GALNTL6: variants seen among roughly 807,000 people sequenced by gnomAD.
The protein encoded by GALNTL6 is polypeptide N-acetylgalactosaminyltransferase-like 6.
Under a neutral mutation model 73.7 loss-of-function variants are expected in GALNTL6, and 46 were observed. The observed-to-expected ratio is 0.62, with a 90% CI of 0.49 to 0.80. The LOEUF (loss-of-function observed/expected upper bound fraction) is 0.80. GALNTL6 is among the 30% of genes least tolerant of loss of function. The pLI is 0.00. For missense variants in GALNTL6, 604 were observed against 755.0 expected, an observed-to-expected ratio of 0.80 and a Z score of 2.34; for synonymous variants, 259 against 263.7, an observed-to-expected ratio of 0.98 and a Z score of 0.17.
At chr4:172,714,354 G>T (rs1262409267) in intron 5 of GALNTL6, among the ~76,000 whole-genome samples, 1 of 151,712 alleles carries the variant, frequency 6.6e-6, no homozygotes, top group Non-Finnish European at 1.5e-5. Flanking sequence ...TGCTAATTTA[G>T]GTTCTGGTTC....
intron 2 of GALNTL6, among the ~76,000 whole-genome samples, chr4:172,129,856 C>G (rs1733407196): frequency 6.6e-6 from 1 of 152,196 alleles, no homozygotes; most frequent in African/African-American, 2.4e-5. Context: ...TGATACCACA[C>G]TCCATTCCAG....
At chr4:172,060,503 C>T (rs1270281807) in intron 2 of GALNTL6, among the ~76,000 whole-genome samples, 1 of 151,662 alleles carries the variant, frequency 6.6e-6, no homozygotes, top group South Asian at 2.1e-4. Flanking sequence ...GATGATTTAT[C>T]GTAGTCAATG....
intron 2 of GALNTL6, among the ~76,000 whole-genome samples, chr4:172,185,920 G>A (rs548211528): frequency 3.3e-5 from 5 of 152,142 alleles, no homozygotes; most frequent in African/African-American, 7.2e-5. Context: ...CAAAATAGGC[G>A]CAACAAAAAT....
intron 2 of GALNTL6, among the ~76,000 whole-genome samples, chr4:171,972,528 T>TG (rs1739601877): frequency 6.6e-6 from 1 of 152,100 alleles, no homozygotes; most frequent in Non-Finnish European, 1.5e-5. Flanking sequence ...ACATAGCAAA[T>TG]TCCATGATAA....
chr4:173,003,256 G>T (rs1252351991), intron 10 of GALNTL6, among the ~76,000 whole-genome samples: 2 of 152,162 alleles, frequency 1.3e-5, no homozygotes, highest in African/African-American at 4.8e-5. Context: ...AGCAGAAATT[G>T]TTCATTCATT....
At chr4:172,752,559 G>C (rs1737487873) in intron 5 of GALNTL6, among the ~76,000 whole-genome samples, 1 of 151,826 alleles carries the variant, frequency 6.6e-6, no homozygotes, top group African/African-American at 2.4e-5. Context: ...TTAATTTGTG[G>C]TATAAAGGTT....
At chr4:172,610,131 CA>C (rs749686161) in intron 5 of GALNTL6, among the ~76,000 whole-genome samples, 12 of 151,630 alleles carry the variant, frequency 7.9e-5, no homozygotes, top group Non-Finnish European at 1.3e-4. Flanking sequence ...TTAATTTTTT[CA>C]AAAAACCAAC....
intron 2 of GALNTL6, among the ~76,000 whole-genome samples, chr4:171,894,545 A>G (rs1578948343): frequency 2.0e-5 from 3 of 152,306 alleles, no homozygotes; most frequent in South Asian, 2.1e-4. Flanking sequence ...ATTTTCTTTA[A>G]TGTTTGAAAT....
chr4:172,474,257 A>T (rs1167045026), intron 5 of GALNTL6, among the ~76,000 whole-genome samples: 1 of 152,114 alleles, frequency 6.6e-6, no homozygotes, highest in Non-Finnish European at 1.5e-5. Flanking sequence ...TTCTCTGGAC[A>T]TCCTACTGAA....
chr4:173,038,763 A>G (rs1753793343), intron 12 of GALNTL6, among the ~76,000 whole-genome samples: 1 of 152,196 alleles, frequency 6.6e-6, no homozygotes, highest in Non-Finnish European at 1.5e-5. Context: ...AAAGGACATT[A>G]AATATTGGTT....
chr4:172,359,721 C>T (rs1011275305), intron 5 of GALNTL6, among the ~76,000 whole-genome samples: 14 of 152,112 alleles, frequency 9.2e-5, no homozygotes, highest in African/African-American at 3.4e-4. Flanking sequence ...ATATAAGGCA[C>T]ATAGCTTTCT....
At chr4:172,767,668 T>TC (rs1491144362) in intron 5 of GALNTL6, among the ~76,000 whole-genome samples, 5 of 62,446 alleles carry the variant, frequency 8.0e-5, no homozygotes, top group African/African-American at 1.7e-4. Flanking sequence ...ATTTTTTTTC[T>TC]TTTTTTTTTT....
At chr4:172,201,507 G>GT (rs61645969) in intron 2 of GALNTL6, among the ~76,000 whole-genome samples, 3,722 of 144,228 alleles carry the variant, frequency 0.026, 44 homozygotes, top group Non-Finnish European at 0.034. Flanking sequence ...ACCGGGACTA[G>GT]TTTTTTTTTT....
chr4:171,872,319 G>T (rs1421938889), intron 2 of GALNTL6, among the ~76,000 whole-genome samples: 1 of 151,940 alleles, frequency 6.6e-6, no homozygotes, highest in Non-Finnish European at 1.5e-5. Flanking sequence ...ATATTAAATT[G>T]ATTTTATATA....
intron 8 of GALNTL6, among the ~76,000 whole-genome samples, chr4:172,899,670 C>T (rs778413753): frequency 3.9e-5 from 6 of 151,982 alleles, no homozygotes; most frequent in Admixed American, 6.6e-5. Flanking sequence ...AAGGCAAACC[C>T]GTAGAGTACA....
Position 171,970,567 on chromosome 4 carries a change from G to C in GALNTL6, c.138+155849G>C, listed in dbSNP as rs562699525. Among the ~76,000 whole-genome samples the C allele has an allele frequency of 2.0e-5, 3 of 152,190 alleles. No individual in the cohort carries two copies. In the South Asian group the frequency reaches 6.2e-4, roughly 32 times the overall value. On this transcript the variant is annotated intron_variant, in intron 2 of 12. Coordinates refer to ENST00000506823, the MANE Select transcript of GALNTL6 (RefSeq NM_001034845.3). ...CTTAAAAATTTTTAGTGGAAAACAA[G>C]GTAAAAATGTGTGCTTCTTCATCCT...
intron 2 of GALNTL6, among the ~76,000 whole-genome samples, chr4:172,041,415 T>C (rs1427806142): frequency 6.6e-6 from 1 of 152,080 alleles, no homozygotes; most frequent in African/African-American, 2.4e-5. Flanking sequence ...TTTTAAAACA[T>C]ATTTAAAATT....
chr4:172,156,571 AC>A (rs374148903), intron 2 of GALNTL6, among the ~76,000 whole-genome samples: 1,184 of 70,906 alleles, frequency 0.017, 96 homozygotes, highest in African/African-American at 0.07. Flanking sequence ...ATATATACAT[AC>A]TATATATATA....
At chr4:172,610,939 A>T (rs369913880) in intron 5 of GALNTL6, among the ~76,000 whole-genome samples, 1 of 152,002 alleles carries the variant, frequency 6.6e-6, no homozygotes, top group Non-Finnish European at 1.5e-5. Context: ...CAATTATGTA[A>T]TGGCCTTGTC....
Sources: allele counts gnomAD v4.1 joint callset (sites outside exome capture counted in the v4.1 genomes callset), GRCh38; gene constraint gnomAD v4.1.1; transcripts MANE v1.5; gene names NCBI Gene and HGNC (gene_info 2026-07-23, HGNC 2026-07-21).